THOC6: variants seen among roughly 807,000 people sequenced by gnomAD.
THOC6 encodes the protein THO complex subunit 6, also known as THO complex 6.
A neutral mutation model predicts 55.8 loss-of-function variants in THOC6; 39 were observed. The ratio of observed to expected loss-of-function variants is 0.70; its 90% CI spans 0.54 to 0.91. The LOEUF (loss-of-function observed/expected upper bound fraction) is 0.91, where lower values mean the gene tolerates loss of function less well. Among genes scored for constraint, THOC6 ranks in the 40% least tolerant of loss-of-function variants. The pLI is 0.00. For missense variants in THOC6, 482 were observed against 442.0 expected (o/e 1.09, Z -0.81); for synonymous variants, 192 against 175.6 (o/e 1.09, Z -0.74).
Position 3,026,783 on chromosome 16 carries a change from T to A in THOC6, c.586+2T>A. 6.2e-7 allele frequency: 1 copy of A among 1,613,652 alleles called. No homozygotes were observed. The highest frequency in any genetic ancestry group is 1.1e-5 in the South Asian group (1 of 91,016). On this transcript the variant is annotated splice_donor_variant, in intron 8 of 12. Transcript: ENST00000326266. LOFTEE classifies it high-confidence loss of function. ...AGGATGGAGCTGTTCGACTTTGGGG[T>A]AAGCAGGTGGCTGGTTGGAGGGCAA...
intron 4 of THOC6, 30 bp downstream of exon 4, chr16:3,026,196 G>C: frequency 1.9e-6 from 3 of 1,613,550 alleles, no homozygotes; most frequent in Non-Finnish European, 2.5e-6. Flanking sequence ...AAAGGGCTGG[G>C]GTGCCTGGAC....
intron 2 of THOC6, 39 bp from the exon 3 acceptor site, chr16:3,025,885 C>T (rs1567414991): frequency 5.6e-6 from 9 of 1,614,186 alleles, no homozygotes; most frequent in Non-Finnish European, 7.6e-6. Flanking sequence ...ACGGATGCCC[C>T]CGTTTCTGAC....
At position 3,024,292 on chromosome 16, in the gene THOC6, G is replaced by A. The variant is rs2072722677; in HGVS notation, c.-35G>A. ...ACGTAAGGCCTCGTGAGGTTGCGTC[G>A]CGCGCGGAGCACTCTGGGACTTGTA... is the stretch of plus-strand genomic sequence containing the variant. On this transcript the variant is annotated 5_prime_UTR_variant, in exon 1 of 13. Coordinates refer to ENST00000326266, the MANE Select transcript of THOC6 (RefSeq NM_024339.5). The A allele has an allele frequency of 6.2e-7, 1 of 1,614,026 alleles. No individual in the cohort carries two copies. Among genetic ancestry groups the A allele is most frequent in the South Asian group, 1.1e-5 (1 of 91,084 alleles).
At chr16:3,024,522 C>T (rs1041919934) in intron 1 of THOC6, among the ~76,000 whole-genome samples, 157 bp downstream of exon 1, 1 of 151,534 alleles carries the variant, frequency 6.6e-6, no homozygotes, top group South Asian at 2.1e-4. Context: ...CCCAGAAGTG[C>T]TTCAGGGGCT....
chr16:3,025,937 T>G lies in THOC6; in HGVS notation c.169T>G (p.Leu57Val). The change falls in exon 3 of 13, where the codon TTG becomes GTG. Residue 57 changes from leucine to valine, a missense_variant. Coordinates refer to ENST00000326266, the MANE Select transcript of THOC6 (RefSeq NM_024339.5). ...QIAIFSLSSA[L>V]SSEAKEESKK... The stretch of plus-strand genomic sequence containing the variant: ...CTGTCCCTGCAGCTTGTCCTCTGCT[T>G]TGAGCTCAGAAGCCAAAGAGGAAAG... The G allele has an allele frequency of 6.2e-7, 1 of 1,614,226 alleles. No homozygotes were observed. The highest frequency in any genetic ancestry group is 8.5e-7 in the Non-Finnish European group (1 of 1,180,044).
rs1167050610 is a variant in THOC6, at chr16:3,024,203, G to C, written c.-124G>C. ...CACCTCGGCTCCTAGGGTTCGGGAC[G>C]GTACGCACCAGCCACCTTCGCGCCG... On this transcript the variant is annotated 5_prime_UTR_variant, in exon 1 of 13. Coordinates refer to ENST00000326266, the MANE Select transcript of THOC6 (RefSeq NM_024339.5). 1 of 1,239,058 alleles carries C rather than the reference G, an allele frequency of 8.1e-7. No individual in the cohort carries two copies. 76.8% of individuals were successfully genotyped at this position (1,239,058 alleles called of 1,614,324 possible).
rs1242327605 is a variant in THOC6 at position 3,024,426 on chromosome 16, G to A, written c.39+61G>A. ...TTGTAGTTCACGCATGGCTGGGACG[G>A]GGCGGGCAGGGAATCGTGCCCTGAG... On this transcript the variant is annotated intron_variant, in intron 1 of 12. Transcript: ENST00000326266. 1.9e-6 allele frequency: 3 copies of A among 1,600,302 alleles called. No individual in the cohort carries two copies. In the African/African-American group the frequency reaches 4.0e-5, roughly 21 times the overall value.
At position 3,026,860 on chromosome 16, in the gene THOC6, C is replaced by T. The variant is rs1424044176; in HGVS notation, c.587-7C>T. The T allele has an allele frequency of 6.2e-7, 1 of 1,614,180 alleles. No individual in the cohort carries two copies. The highest frequency in any genetic ancestry group is 8.5e-7 in the Non-Finnish European group (1 of 1,180,036). ...GTGGGGCACCACTCACAGTTCTTTC[C>T]CCGCAGACCTGCGCACAGCCAAGGA... On this transcript the variant is annotated splice_region_variant and splice_polypyrimidine_tract_variant and intron_variant, in intron 8 of 12. Transcript: ENST00000326266.
chr16:3,027,034 G>A lies in THOC6; in HGVS notation c.660G>A (p.Gly220=). The A allele has an allele frequency of 1.2e-6, 2 of 1,614,154 alleles. No individual in the cohort carries two copies. The highest frequency in any genetic ancestry group is 1.7e-6 in the Non-Finnish European group (2 of 1,180,030). The change falls in exon 10 of 13, where the codon GGG becomes GGA. Residue 220 remains glycine, a synonymous_variant. Coordinates refer to ENST00000326266, the MANE Select transcript of THOC6 (RefSeq NM_024339.5). ...AGGAGTGCTCGAGGCCCCACAATGG[G>A]CGCTGGATTGGATGTTTGGCAACTG... The part of the protein sequence containing the change: ...KHEECSRPHN[G]RWIGCLATDS...
rs1567416508 is a variant in THOC6, at chr16:3,026,693, CCA to C, written c.503_504del (p.Thr168ArgfsTer42). On this transcript the variant is annotated frameshift_variant, in exon 8 of 13. Coordinates refer to ENST00000326266, the MANE Select transcript of THOC6 (RefSeq NM_024339.5). LOFTEE classifies it high-confidence loss of function. ...TGTFTRVLRG[H>X]TDYIHCLALR... ...TCTACATGCAGAGGGTCCTCCGGGG[CCA>C]CACAGACTACATCCACTGCCTGGCA... 1 of 1,613,008 alleles carries C rather than the reference CCA, an allele frequency of 6.2e-7. No individual in the cohort carries two copies. The highest frequency in any genetic ancestry group is 8.5e-7 in the Non-Finnish European group (1 of 1,179,422).
At position 3,026,530 on chromosome 16, in the gene THOC6, C is replaced by T; in HGVS notation, c.426C>T (p.Ile142=). The change falls in exon 7 of 13, where the codon ATC becomes ATT. Residue 142 remains isoleucine, a synonymous_variant. Transcript: ENST00000326266. ...LLLVPKENSL[I]LAGGDCQLHT... ...CTCCTCCACAGGAGAATTCCCTCAT[C>T]CTGGCTGGGGGAGACTGTCAGTTGC... 1 of 1,614,172 alleles carries T rather than the reference C, an allele frequency of 6.2e-7. No homozygotes were observed. The highest frequency in any genetic ancestry group is 1.7e-5 in the Admixed American group (1 of 60,012).
intron 1 of THOC6, 48 bp from the exon 2 acceptor site, chr16:3,025,660 G>A (rs1337259035): frequency 6.5e-7 from 1 of 1,543,150 alleles, no homozygotes; most frequent in Non-Finnish European, 9.0e-7. Flanking sequence ...TCTGTGGATG[G>A]GAGGTTTCAT....
At chr16:3,025,385 C>G (rs1008363001) in intron 1 of THOC6, among the ~76,000 whole-genome samples, 1 of 152,228 alleles carries the variant, frequency 6.6e-6, no homozygotes, top group Non-Finnish European at 1.5e-5. Context: ...ATGTAAAGCT[C>G]TTGTCTATAC....
At position 3,027,714 on chromosome 16, in the gene THOC6, T is replaced by C. The variant is rs930905008; in HGVS notation, c.*57T>C. 69 of 1,427,796 alleles carry C rather than the reference T, an allele frequency of 4.8e-5. No individual in the cohort carries two copies. In the African/African-American group the frequency reaches 6.0e-4, roughly 13 times the overall value. 88.4% of individuals were successfully genotyped at this position (1,427,796 alleles called of 1,614,324 possible). A position where few individuals can be genotyped will look rare whatever the true frequency, so the allele number is the denominator to read the frequency against. ...TTTAGAGTGTTTTTCATTTTCTTTT[T>C]TTTTTTTTTTTTACAATAAAGTTTC... On this transcript the variant is annotated 3_prime_UTR_variant, in exon 13 of 13. Transcript: ENST00000326266.
At position 3,027,518 on chromosome 16, in the gene THOC6, C is replaced by T. The variant is rs762954672; in HGVS notation, c.945+18C>T. ...AGTGCAAGGTGGGTCCGGCAGGGGC[C>T]GCGGAGCGGCTGGGAGGCAGGGGTG... is the stretch of plus-strand genomic sequence containing the variant. On this transcript the variant is annotated intron_variant, in intron 12 of 12. Transcript: ENST00000326266. The T allele has an allele frequency of 6.8e-6, 11 of 1,611,826 alleles. No homozygotes were observed. The highest frequency in any genetic ancestry group is 4.5e-5 in the East Asian group (2 of 44,872).
chr16:3,026,028 G>A (rs1362349530), intron 3 of THOC6, 35 bp from the exon 4 acceptor site: 2 of 1,614,188 alleles, frequency 1.2e-6, no homozygotes, highest in Non-Finnish European at 1.7e-6. Context: ...GACTTTGGGT[G>A]GGATTGGCTC....
intron 6 of THOC6, 24 bp downstream of exon 6, chr16:3,026,437 T>G (rs2072795594): frequency 1.2e-6 from 2 of 1,614,166 alleles, no homozygotes; most frequent in Non-Finnish European, 1.7e-6. Flanking sequence ...GTGACTGTTC[T>G]TGGTCCAAAC....
Position 3,024,344 on chromosome 16 carries a change from G to A in THOC6, c.18G>A (p.Pro6=). ...TTCTGGAGATGGAGCGAGCTGTGCCGCTCGCGGTGCCTCTGGGTCAGGTGA... is the reference window on the plus strand; with the variant it reads ...TTCTGGAGATGGAGCGAGCTGTGCCACTCGCGGTGCCTCTGGGTCAGGTGA... The part of the protein sequence containing the change: MERAV[P]LAVPLGQTEV... The change falls in exon 1 of 13, where the codon CCG becomes CCA. Residue 6 remains proline, a synonymous_variant. Transcript: ENST00000326266. 1 of 1,614,162 alleles carries A rather than the reference G, an allele frequency of 6.2e-7. No homozygotes were observed. The highest frequency in any genetic ancestry group is 1.3e-5 in the African/African-American group (1 of 75,056).
At chr16:3,025,189 G>A (rs986946046) in intron 1 of THOC6, among the ~76,000 whole-genome samples, 9 of 151,996 alleles carry the variant, frequency 5.9e-5, no homozygotes, top group Non-Finnish European at 1.0e-4. Context: ...TGGTCCACCT[G>A]CCTTGGCCTG....
Sources: gnomAD v4.1 joint callset for allele counts (sites outside exome capture counted in the v4.1 genomes callset) on GRCh38, gnomAD v4.1.1 for gene constraint, MANE v1.5 for transcripts, NCBI Gene and HGNC (gene_info 2026-07-23, HGNC 2026-07-21) for gene names.